Variants in JADE1 observed in about 807,000 individuals in gnomAD.
JADE1 encodes the protein jade family PHD finger 1, also known as protein Jade-1.
In JADE1, 14 loss-of-function variants were observed where a neutral mutation model predicts 81.8. That is an observed-to-expected ratio of 0.17 (90% CI 0.11 to 0.27). The LOEUF is 0.27. Ranked by LOEUF, JADE1 falls within the 10% of genes least tolerant of loss-of-function variation. The pLI is 1.00. For missense variants in JADE1, 690 were observed against 1,047.9 expected (o/e 0.66, Z 4.71); for synonymous variants, 353 against 391.9 (o/e 0.90, Z 1.17).
chr4:128,862,284 C>G (rs371224647), intron 9 of JADE1, 59 bp downstream of exon 9: 1 of 1,605,082 alleles, frequency 6.2e-7, no homozygotes. Context: ...AAGAGGCGAA[C>G]GCTCGCCCAG....
chr4:128,850,034 C>T lies in JADE1; in HGVS notation c.484+867C>T, dbSNP rs186594458. The stretch of plus-strand genomic sequence containing the variant: ...ATCGGCCGGGCTTGTTGGCTCATGT[C>T]TGTAATCCCAGCACTTTGGGAAGCC... On this transcript the variant is annotated intron_variant, in intron 5 of 10. Transcript: ENST00000226319. Among the ~76,000 whole-genome samples the T allele has an allele frequency of 3.7e-3, 561 of 152,256 alleles. 5 individuals carry two copies. Among genetic ancestry groups the T allele is most frequent in the Non-Finnish European group, 4.1e-3 (279 of 68,022 alleles).
chr4:128,815,192 G>GTAAGCTCCGCCTCA (rs1560719757), intron 1 of JADE1, among the ~76,000 whole-genome samples: 6 of 28,128 alleles, frequency 2.1e-4, no homozygotes, highest in African/African-American at 4.4e-4. Flanking sequence ...GCTCCGCCTC[G>GTAAGCTCCGCCTCA]CGGGTTCACG....
At chr4:128,838,236 G>A (rs1560746074) in intron 2 of JADE1, among the ~76,000 whole-genome samples, 1 of 152,106 alleles carries the variant, frequency 6.6e-6, no homozygotes, top group African/African-American at 2.4e-5. Flanking sequence ...ACAAGACAAT[G>A]TTTTTCCCCA....
rs749884285 is a variant in JADE1, at chr4:128,846,494, G to T, written c.258G>T (p.Val86=). Reference sequence around the variant, plus strand: ...AGGAATGGGAGAAAGGGGTCCAGGTGCCTGTGAGCCCGGGGACCATCCCTC... The same window carrying T: ...AGGAATGGGAGAAAGGGGTCCAGGTTCCTGTGAGCCCGGGGACCATCCCTC... ...WRQEWEKGVQ[V]PVSPGTIPQP... Residue 86 remains valine, a synonymous_variant, in exon 4 of 11, where the codon GTG becomes GTT. Transcript: ENST00000226319. The surrounding 1 kb of genome is among the most constrained non-coding windows in gnomAD (Gnocchi z 4.0). 1.9e-6 allele frequency: 3 copies of T among 1,614,184 alleles called. No homozygotes were observed. The highest frequency in any genetic ancestry group is 2.7e-5 in the African/African-American group (2 of 75,048).
At chr4:128,833,844 G>A (rs1198530833) in intron 2 of JADE1, among the ~76,000 whole-genome samples, 1 of 152,194 alleles carries the variant, frequency 6.6e-6, no homozygotes, top group Non-Finnish European at 1.5e-5. Flanking sequence ...CACTCTGTCT[G>A]CTCTCGTCAC....
intron 9 of JADE1, chr4:128,863,895 A>G (rs530048717): frequency 2.1e-5 from 21 of 985,440 alleles, no homozygotes; most frequent in Non-Finnish European, 2.5e-5. Flanking sequence ...TTGTCTCACA[A>G]TCACCACAAA....
chr4:128,862,438 GTTT>G (rs368731069), intron 9 of JADE1: 11 of 1,098,738 alleles, frequency 1.0e-5, no homozygotes, highest in South Asian at 4.7e-5. Context: ...CTTCTTTGTG[GTTT>G]TTTTTTTTTT....
Position 128,871,728 on chromosome 4 carries a change from T to C in JADE1, c.1995T>C (p.His665=), listed in dbSNP as rs1732210871. Residue 665 remains histidine, a synonymous_variant, in exon 11 of 11, where the codon CAT becomes CAC. Coordinates refer to ENST00000226319, the MANE Select transcript of JADE1 (RefSeq NM_199320.4). This position sits in a 1 kb window ranked among gnomAD's most constrained non-coding sequence, Gnocchi z 4.1. ...DHGKRRDNRF[H]CDLIKGDLKD... is the part of the protein sequence containing the mutation. ...GGAAAAGAAGAGACAATCGTTTTCATTGTGATCTCATTAAAGGAGACTTAA... is the reference window on the plus strand; with the variant it reads ...GGAAAAGAAGAGACAATCGTTTTCACTGTGATCTCATTAAAGGAGACTTAA... 2 of 1,614,044 alleles carry C rather than the reference T, an allele frequency of 1.2e-6. No individual in the cohort carries two copies. The highest frequency in any genetic ancestry group is 1.7e-6 in the Non-Finnish European group (2 of 1,180,018).
At chr4:128,850,821 C>T (rs1048791232) in intron 5 of JADE1, among the ~76,000 whole-genome samples, 57 of 152,186 alleles carry the variant, frequency 3.7e-4, no homozygotes, top group African/African-American at 1.3e-3. Context: ...AAGAACTGGG[C>T]TAATCCATAT....
rs369236924 is a variant in JADE1 at position 128,846,525 on chromosome 4, G to T, written c.289G>T (p.Val97Leu). Residue 97 changes from valine (V) to leucine (L), a missense_variant, in exon 4 of 11, where the codon GTG becomes TTG. By Grantham distance (32) the Val-to-Leu change is conservative. Coordinates refer to ENST00000226319, the MANE Select transcript of JADE1 (RefSeq NM_199320.4). The surrounding 1 kb of genome is among the most constrained non-coding windows in gnomAD (Gnocchi z 4.0). ...GAGCCCGGGGACCATCCCTCAGCCTGTGGCCAGGTAGAGATGCCCTGAGGA... is the reference window on the plus strand; with the variant it reads ...GAGCCCGGGGACCATCCCTCAGCCTTTGGCCAGGTAGAGATGCCCTGAGGA... Reference protein sequence around the residue: ...PVSPGTIPQPVARVVSEEKSL... With the variant: ...PVSPGTIPQPLARVVSEEKSL... 1.6e-5 allele frequency: 26 copies of T among 1,614,000 alleles called. No individual in the cohort carries two copies. Among genetic ancestry groups the T allele is most frequent in the Non-Finnish European group, 2.2e-5 (26 of 1,180,032 alleles).
intron 4 of JADE1, among the ~76,000 whole-genome samples, chr4:128,847,511 C>T (rs1226318214): frequency 6.6e-6 from 1 of 152,156 alleles, no homozygotes; most frequent in Non-Finnish European, 1.5e-5. Flanking sequence ...GAGTCTGGAC[C>T]TGTGGAATGG....
intron 1 of JADE1, among the ~76,000 whole-genome samples, chr4:128,826,834 C>T (rs1404291620): frequency 6.6e-6 from 1 of 152,164 alleles, no homozygotes; most frequent in Non-Finnish European, 1.5e-5. Context: ...GACAAAGACT[C>T]CTTTGACCAA....
intron 2 of JADE1, among the ~76,000 whole-genome samples, chr4:128,833,944 G>A (rs930203680): frequency 6.6e-6 from 1 of 152,170 alleles, no homozygotes; most frequent in Non-Finnish European, 1.5e-5. Flanking sequence ...GACTAGCATT[G>A]TCCCATAGGA....
chr4:128,857,213 T>C, intron 7 of JADE1, 125 bp from the exon 8 acceptor site: 1 of 745,584 alleles, frequency 1.3e-6, no homozygotes, highest in South Asian at 1.6e-5. Context: ...TTGCTTTGAG[T>C]GGGTGCCCCT....
At chr4:128,849,517 T>C (rs997241030) in intron 5 of JADE1, among the ~76,000 whole-genome samples, 1 of 152,246 alleles carries the variant, frequency 6.6e-6, no homozygotes, top group African/African-American at 2.4e-5. Context: ...TTTTTTCCTG[T>C]GATGCCATTC....
intron 5 of JADE1, among the ~76,000 whole-genome samples, chr4:128,849,391 C>G (rs565522819): frequency 1.1e-4 from 16 of 152,276 alleles, no homozygotes; most frequent in African/African-American, 3.8e-4. Context: ...GCTCAGGCAC[C>G]AGGGATTCCC....
chr4:128,858,585 T>G (rs1327291526), intron 8 of JADE1, among the ~76,000 whole-genome samples: 1 of 148,558 alleles, frequency 6.7e-6, no homozygotes, highest in Non-Finnish European at 1.5e-5. Context: ...AAATACTTTT[T>G]GGGAAGGTGG....
intron 10 of JADE1, among the ~76,000 whole-genome samples, chr4:128,869,840 G>A (rs1732057191): frequency 6.6e-6 from 1 of 152,168 alleles, no homozygotes; most frequent in African/African-American, 2.4e-5. Context: ...AAACCCTTTA[G>A]GGTGCTTTTT....
rs1423304565 is a variant in JADE1 at position 128,874,545 on chromosome 4, A to T, written c.*2283A>T. On this transcript the variant is annotated 3_prime_UTR_variant, in exon 11 of 11. Coordinates refer to ENST00000226319, the MANE Select transcript of JADE1 (RefSeq NM_199320.4). ...ACACAAAAACAAAACACACAAAAAT[A>T]AAAAGCCCACACTTTTTATTCCTGC... The T allele has an allele frequency of 6.6e-6, 1 of 152,582 alleles. No homozygotes were observed. The allele number at this position is 152,582 out of a possible 1,614,324, so 9.5% of individuals were successfully genotyped here.
Sources: gnomAD v4.1 joint callset for allele counts (sites outside exome capture counted in the v4.1 genomes callset) on GRCh38, gnomAD v4.1.1 for gene constraint, Gnocchi (gnomAD v3.1) non-coding constraint, MANE v1.5 for transcripts, NCBI Gene and HGNC (gene_info 2026-07-23, HGNC 2026-07-21) for gene names.